The following TENM3 variants were observed in gnomAD, a reference collection of about 807,000 sequenced individuals.
TENM3 encodes teneurin-3.
TENM3 carries 63 observed loss-of-function variants against 255.1 expected under a neutral mutation model. The ratio of observed to expected loss-of-function variants is 0.25; its 90% CI spans 0.20 to 0.30. The LOEUF (loss-of-function observed/expected upper bound fraction) is 0.30, where lower values mean the gene tolerates loss of function less well. TENM3 is among the 10% of genes least tolerant of loss of function. The pLI is 1.00. For missense variants in TENM3, 2,929 were observed against 3,461.1 expected (o/e 0.85, Z 3.86); for synonymous variants, 1,306 against 1,322.3 (o/e 0.99, Z 0.27).
At chr4:181,647,301 T>A in the TENM3 span, among the ~76,000 whole-genome samples, 1 of 152,178 alleles carries the variant, frequency 6.6e-6, no homozygotes, top group Non-Finnish European at 1.5e-5. Context: ...AACAGTGCTG[T>A]CTCCATGATG....
the TENM3 span, among the ~76,000 whole-genome samples, chr4:181,890,532 G>T: frequency 2.0e-5 from 3 of 151,760 alleles, no homozygotes; most frequent in Admixed American, 6.6e-5. Flanking sequence ...CTATTAAAAG[G>T]TTTCTAAATG....
chr4:181,588,746 T>C, the TENM3 span, among the ~76,000 whole-genome samples: 1 of 152,196 alleles, frequency 6.6e-6, no homozygotes, highest in Non-Finnish European at 1.5e-5. Context: ...ACAAGGAAAC[T>C]GCATTCCTTC....
the TENM3 span, among the ~76,000 whole-genome samples, chr4:181,577,129 A>T: frequency 7.4e-6 from 1 of 134,362 alleles, no homozygotes; most frequent in Non-Finnish European, 1.5e-5. Context: ...AATTATGTGT[A>T]ATAATATAAT....
At position 182,384,723 on chromosome 4, in the gene TENM3, G is replaced by A. The variant is rs568281744; in HGVS notation, c.511+37794G>A. 3.9e-5 allele frequency among the ~76,000 whole-genome samples: 6 copies of A among 152,098 alleles called. No individual in the cohort carries two copies. In the South Asian group the frequency reaches 8.3e-4, roughly 21 times the overall value. ...CACTGCAGCCTTCCCTTGTCTCTGC[G>A]ATTTCCTGCTTGCTCCCTCCTCTAA... On this transcript the variant is annotated intron_variant, in intron 3 of 27. Coordinates refer to ENST00000511685, the MANE Select transcript of TENM3 (RefSeq NM_001080477.4).
intron 5 of TENM3, among the ~76,000 whole-genome samples, chr4:182,632,931 T>C (rs115294409): frequency 0.052 from 7,872 of 152,156 alleles, 279 homozygotes; most frequent in African/African-American, 0.085. Context: ...ATTTATCTTT[T>C]ATATTTTTAT....
intron 1 of TENM3, among the ~76,000 whole-genome samples, chr4:182,220,893 G>A (rs1207897557): frequency 6.6e-6 from 1 of 152,162 alleles, no homozygotes; most frequent in African/African-American, 2.4e-5. Context: ...TTCTTCTGGA[G>A]AGATTATTGT....
Position 182,399,552 on chromosome 4 carries a change from A to G in TENM3, c.511+52623A>G, listed in dbSNP as rs143484236. 8.8e-4 allele frequency among the ~76,000 whole-genome samples: 134 copies of G among 152,340 alleles called. 1 individual carries two copies. The highest frequency in any genetic ancestry group is 3.1e-3 in the African/African-American group (128 of 41,584). On this transcript the variant is annotated intron_variant, in intron 3 of 27. Transcript: ENST00000511685. ...TGGCATTAGTGATTAGTAATATTTC[A>G]ACTACCTGATCAGAAGAAACATTCT...
intron 4 of TENM3, among the ~76,000 whole-genome samples, chr4:182,616,595 T>C (rs72701989): frequency 8.3e-5 from 6 of 72,480 alleles, no homozygotes; most frequent in African/African-American, 2.5e-4. Context: ...AAAAAAAAGA[T>C]AGGTAACTGC....
intron 1 of TENM3, among the ~76,000 whole-genome samples, chr4:182,184,372 A>T (rs1753017029): frequency 6.6e-6 from 1 of 152,166 alleles, no homozygotes; most frequent in Non-Finnish European, 1.5e-5. Flanking sequence ...AGCAAGATAA[A>T]ATCTTATGAA....
chr4:181,467,095 G>GTATATATATATA, the TENM3 span, among the ~76,000 whole-genome samples: 29 of 71,770 alleles, frequency 4.0e-4, 2 homozygotes, highest in Non-Finnish European at 6.0e-4. Flanking sequence ...GTGTGTGTGT[G>GTATATATATATA]TGTGTGTGTA....
intron 12 of TENM3, among the ~76,000 whole-genome samples, chr4:182,705,112 A>G (rs1269977826): frequency 6.6e-6 from 1 of 152,208 alleles, no homozygotes; most frequent in Non-Finnish European, 1.5e-5. Flanking sequence ...ATGGGTGTGC[A>G]CCTTGCACGC....
the TENM3 span, among the ~76,000 whole-genome samples, chr4:181,993,156 A>G: frequency 6.6e-6 from 1 of 152,148 alleles, no homozygotes; most frequent in Non-Finnish European, 1.5e-5. Context: ...TATGGGTACG[A>G]TTATCTTCTC....
chr4:182,478,167 T>G (rs1275498758), intron 3 of TENM3, among the ~76,000 whole-genome samples: 1 of 152,094 alleles, frequency 6.6e-6, no homozygotes, highest in East Asian at 1.9e-4. Flanking sequence ...GTAATTGAGG[T>G]AATAATCCTC....
chr4:181,734,084 C>T, the TENM3 span, among the ~76,000 whole-genome samples: 2 of 152,200 alleles, frequency 1.3e-5, no homozygotes, highest in Admixed American at 6.5e-5. Context: ...ATTGCTTTTT[C>T]AATCATCTTA....
At chr4:182,617,574 A>G (rs1239931455) in intron 4 of TENM3, among the ~76,000 whole-genome samples, 3 of 152,176 alleles carry the variant, frequency 2.0e-5, no homozygotes, top group Admixed American at 6.5e-5. Context: ...AGGAAGAAGA[A>G]CCTATACCTT....
At chr4:182,549,604 G>A (rs1741807903) in intron 3 of TENM3, among the ~76,000 whole-genome samples, 1 of 152,176 alleles carries the variant, frequency 6.6e-6, no homozygotes, top group Non-Finnish European at 1.5e-5. Flanking sequence ...CACGCTTCCA[G>A]GGCCCAGCAC....
chr4:182,168,213 C>T (rs995004372), intron 1 of TENM3, among the ~76,000 whole-genome samples: 2 of 152,022 alleles, frequency 1.3e-5, no homozygotes, highest in Non-Finnish European at 2.9e-5. Flanking sequence ...CGGGTCACAG[C>T]AGCTTCCATC....
At chr4:181,874,225 G>A in the TENM3 span, among the ~76,000 whole-genome samples, 1 of 152,160 alleles carries the variant, frequency 6.6e-6, no homozygotes, top group Admixed American at 6.5e-5. Context: ...AGCGGAGTAT[G>A]GCATTTTGTA....
the TENM3 span, among the ~76,000 whole-genome samples, chr4:181,753,521 T>C: frequency 1.5e-5 from 2 of 135,214 alleles, no homozygotes; most frequent in Admixed American, 7.3e-5. Context: ...CAGTTGTTTT[T>C]GCAAAAATGA....
Sources: allele counts gnomAD v4.1 joint callset (sites outside exome capture counted in the v4.1 genomes callset), GRCh38; gene constraint gnomAD v4.1.1; transcripts MANE v1.5; gene names NCBI Gene and HGNC (gene_info 2026-07-23, HGNC 2026-07-21).